FCHO2: variants seen among roughly 807,000 people sequenced by gnomAD.
FCHO2 encodes FCH and mu domain containing endocytic adaptor 2.
FCHO2 carries 43 observed loss-of-function variants against 114.1 expected under a neutral mutation model. The ratio of observed to expected loss-of-function variants is 0.38; its 90% CI spans 0.30 to 0.49. FCHO2 has a LOEUF of 0.49. Ranked by LOEUF, FCHO2 falls within the 20% of genes least tolerant of loss-of-function variation. The pLI, the probability that FCHO2 is intolerant of heterozygous loss-of-function variation, is 0.97. For synonymous variants in FCHO2, 293 were observed against 315.2 expected (o/e 0.93, Z 0.75); for missense variants, 807 against 950.4 (o/e 0.85, Z 1.98).
At chr5:73,078,114 T>C (rs1742976084) in intron 21 of FCHO2, 66 bp from the exon 22 acceptor site, 5 of 1,281,842 alleles carry the variant, frequency 3.9e-6, no homozygotes, top group Non-Finnish European at 5.1e-6. Context: ...GTCACCAAAT[T>C]ACTACACAGA....
chr5:72,998,705 A>G (rs1754264775), intron 5 of FCHO2, among the ~76,000 whole-genome samples: 1 of 150,890 alleles, frequency 6.6e-6, no homozygotes, highest in African/African-American at 2.4e-5. Context: ...AGTACCTAGT[A>G]TGCCGTGACC....
At chr5:73,034,376 G>T in intron 8 of FCHO2, 1 of 276,516 alleles carries the variant, frequency 3.6e-6, no homozygotes. Flanking sequence ...GCATATTCTT[G>T]TGTCTCTAGT....
chr5:73,081,898 C>T lies in FCHO2; in HGVS notation c.2096C>T (p.Ala699Val). 1 of 1,612,542 alleles carries T rather than the reference C, an allele frequency of 6.2e-7. No homozygotes were observed. Among genetic ancestry groups the T allele is most frequent in the Non-Finnish European group, 8.5e-7 (1 of 1,179,160 alleles). ...DYKYNPEAMV[A>V]PSVLSNIQVV... Reference sequence around the variant, plus strand: ...AAATACAATCCAGAAGCTATGGTGGCACCTAGTGTGCTTTCCAACATACAG... The same window carrying T: ...AAATACAATCCAGAAGCTATGGTGGTACCTAGTGTGCTTTCCAACATACAG... The change falls in exon 23 of 26, where the codon GCA becomes GTA. Residue 699 changes from alanine (A) to valine (V), a missense_variant. Transcript: ENST00000430046.
intron 2 of FCHO2, 140 bp downstream of exon 2, chr5:72,968,729 A>G (rs1040851405): frequency 2.0e-5 from 12 of 610,122 alleles, no homozygotes; most frequent in Admixed American, 1.7e-4. Context: ...ATATCTATCT[A>G]TTTGTATCTA....
rs147156926 is a variant in FCHO2 at position 73,073,972 on chromosome 5, C to T, written c.1580-770C>T. Among the ~76,000 whole-genome samples the T allele has an allele frequency of 3.2e-3, 488 of 152,100 alleles. 2 individuals carry two copies. In the Middle Eastern group the frequency reaches 0.034, roughly 11 times the overall value. On this transcript the variant is annotated intron_variant, in intron 19 of 25. Transcript: ENST00000430046. Reference sequence around the variant, plus strand: ...AAAATCAGTAGCAGTAGCAGTAAGGCACGCAGTGGTAAGAAGAGTGCGTTT... The same window carrying T: ...AAAATCAGTAGCAGTAGCAGTAAGGTACGCAGTGGTAAGAAGAGTGCGTTT...
Position 73,006,523 on chromosome 5 carries a change from G to A in FCHO2, c.574G>A (p.Glu192Lys), listed in dbSNP as rs760036982. ...ATATGCATTAGCAAAAGCTGATTTC[G>A]AACAGAAAATGACAGAAACAGCTCA... ...EKYALAKADFEQKMTETAQKF... is the reference protein window; with the variant it reads ...EKYALAKADFKQKMTETAQKF... The change falls in exon 6 of 26, where the codon GAA (glutamate) becomes AAA (lysine). Residue 192 changes from glutamate to lysine, a missense_variant. Coordinates refer to ENST00000430046, the MANE Select transcript of FCHO2 (RefSeq NM_138782.3). 91 of 1,567,694 alleles carry A rather than the reference G, an allele frequency of 5.8e-5. No homozygotes were observed. Among genetic ancestry groups the A allele is most frequent in the African/African-American group, 8.2e-5 (6 of 72,986 alleles).
intron 1 of FCHO2, among the ~76,000 whole-genome samples, chr5:72,963,793 C>T (rs756040921): frequency 2.0e-5 from 3 of 151,922 alleles, no homozygotes; most frequent in Non-Finnish European, 2.9e-5. Flanking sequence ...TCAAGGGATC[C>T]TCCTGCCTCA....
chr5:73,013,938 C>A (rs1385482845), intron 6 of FCHO2, among the ~76,000 whole-genome samples: 3 of 152,118 alleles, frequency 2.0e-5, no homozygotes, highest in African/African-American at 7.2e-5. Context: ...CTGGCCTCGG[C>A]CTCCCAAAGT....
At chr5:73,004,880 T>G (rs1754634683) in intron 5 of FCHO2, among the ~76,000 whole-genome samples, 1 of 152,208 alleles carries the variant, frequency 6.6e-6, no homozygotes, top group African/African-American at 2.4e-5. Context: ...ATTTATAAAT[T>G]AAACTTTATC....
At position 73,001,400 on chromosome 5, in the gene FCHO2, G is replaced by A. The variant is rs574896598; in HGVS notation, c.496-5045G>A. On this transcript the variant is annotated intron_variant, in intron 5 of 25. Coordinates refer to ENST00000430046, the MANE Select transcript of FCHO2 (RefSeq NM_138782.3). ...GGAGGTTGAGGCTGCAGTGAGCCATGATTGCACCACTGCACTACAGCCCAG... is the reference window on the plus strand; with the variant it reads ...GGAGGTTGAGGCTGCAGTGAGCCATAATTGCACCACTGCACTACAGCCCAG... Among the ~76,000 whole-genome samples, 377 of 133,618 alleles carry A rather than the reference G, an allele frequency of 2.8e-3. 1 individual carries two copies. The highest frequency in any genetic ancestry group is 4.3e-3 in the Non-Finnish European group (279 of 65,012). 87.7% of individuals were successfully genotyped at this position (133,618 alleles called of 152,430 possible).
rs1442706612 is a variant in FCHO2, at chr5:73,019,669, C to T, written c.796+2361C>T. 2.6e-5 allele frequency among the ~76,000 whole-genome samples: 4 copies of T among 152,132 alleles called. No homozygotes were observed. In the East Asian group the frequency reaches 7.7e-4, roughly 29 times the overall value. ...ATGTGAAGTGAAAAACATTCCAGTGCACGTAACACTAAGTCATAAACCATG... is the reference window on the plus strand; with the variant it reads ...ATGTGAAGTGAAAAACATTCCAGTGTACGTAACACTAAGTCATAAACCATG... On this transcript the variant is annotated intron_variant, in intron 8 of 25. Coordinates refer to ENST00000430046, the MANE Select transcript of FCHO2 (RefSeq NM_138782.3).
intron 8 of FCHO2, 53 bp downstream of exon 8, chr5:73,017,361 T>TA (rs1434937474): frequency 8.7e-7 from 1 of 1,155,768 alleles, no homozygotes; most frequent in Non-Finnish European, 1.2e-6. Context: ...ATATAGTAAC[T>TA]AACATATTTG....
Position 73,058,461 on chromosome 5 carries a change from G to A in FCHO2, c.1282G>A (p.Asp428Asn). 1 of 1,572,442 alleles carries A rather than the reference G, an allele frequency of 6.4e-7. No individual in the cohort carries two copies. Among genetic ancestry groups the A allele is most frequent in the Non-Finnish European group, 8.6e-7 (1 of 1,157,518 alleles). The change falls in exon 17 of 26, where the codon GAC (aspartate) becomes AAC (asparagine). Residue 428 changes from aspartate to asparagine, a missense_variant. Physicochemically the swap from Asp to Asn is conservative, Grantham distance 23 (BLOSUM62 1). Coordinates refer to ENST00000430046, the MANE Select transcript of FCHO2 (RefSeq NM_138782.3). ...EKGTSDLLAW[D>N]PLFGPSLDSS... ...AGGAACCAGTGATTTACTTGCTTGG[G>A]ACCCCCTATTTGGACCATCTCTTGA...
intron 24 of FCHO2, among the ~76,000 whole-genome samples, chr5:73,084,584 C>CGA (rs1743232094): frequency 6.6e-6 from 1 of 152,068 alleles, no homozygotes; most frequent in Non-Finnish European, 1.5e-5. Context: ...AATAACTCCT[C>CGA]TATTTGATAG....
intron 5 of FCHO2, chr5:72,997,258 C>G (rs762649781): frequency 2.4e-5 from 30 of 1,242,550 alleles, no homozygotes; most frequent in Admixed American, 3.4e-5. Context: ...ATGTGGATTT[C>G]TTTTTGGAAG....
chr5:73,082,030 TC>T, intron 23 of FCHO2, 48 bp downstream of exon 23: 1 of 1,370,820 alleles, frequency 7.3e-7, no homozygotes, highest in Non-Finnish European at 9.6e-7. Context: ...TTTGTTGCAA[TC>T]CCCAACTTCT....
Position 72,969,340 on chromosome 5 carries a change from T to A in FCHO2, c.125+751T>A, listed in dbSNP as rs16902322. On this transcript the variant is annotated intron_variant, in intron 2 of 25. Coordinates refer to ENST00000430046, the MANE Select transcript of FCHO2 (RefSeq NM_138782.3). ...GATTATGGGAATATAGTGGTTAAGA[T>A]AACAGCTTCTCCCTTCATGGAGTTT... Among the ~76,000 whole-genome samples the A allele has an allele frequency of 7.9e-3, 1,204 of 152,342 alleles. 33 individuals are homozygous for A. Among genetic ancestry groups the A allele is most frequent in the East Asian group, 0.073 (379 of 5,190 alleles).
intron 8 of FCHO2, among the ~76,000 whole-genome samples, chr5:73,031,453 T>C (rs1417850353): frequency 6.6e-6 from 1 of 152,226 alleles, no homozygotes; most frequent in African/African-American, 2.4e-5. Context: ...GATTTAGGAT[T>C]GATTCCGAAG....
chr5:72,990,659 T>C (rs1019909509), intron 4 of FCHO2, 40 bp downstream of exon 4: 1 of 1,530,918 alleles, frequency 6.5e-7, no homozygotes, highest in African/African-American at 1.4e-5. Context: ...ATTGGTCAGA[T>C]ATTGAATACT....
Sources: allele counts gnomAD v4.1 joint callset (sites outside exome capture counted in the v4.1 genomes callset), GRCh38; gene constraint gnomAD v4.1.1; transcripts MANE v1.5; gene names NCBI Gene and HGNC (gene_info 2026-07-23, HGNC 2026-07-21).